Variants in STAG2 observed in about 807,000 individuals in gnomAD.
The protein encoded by STAG2 is cohesin subunit SA-2.
In STAG2, 14 loss-of-function variants were observed where a neutral mutation model predicts 108.1. That is an observed-to-expected ratio of 0.13 (90% CI 0.09 to 0.20). STAG2 has a LOEUF of 0.20. Ranked by LOEUF, STAG2 falls within the 10% of genes least tolerant of loss-of-function variation. The probability of loss-of-function intolerance (pLI) is 1.00; values close to 1 mark genes in which losing one functional copy is unlikely to be tolerated. For synonymous variants in STAG2, 307 were observed against 302.7 expected (o/e 1.01, Z -0.15); for missense variants, 440 against 940.9 (o/e 0.47, Z 6.96).
chrX:123,961,590 A>G (rs1373209146), upstream of STAG2: 1 of 108,734 alleles, frequency 9.2e-6, no homozygotes, highest in African/African-American at 3.4e-5. Context: ...TCAGTTGTGT[A>G]TATTTGGGCC....
At chrX:124,084,678 T>G (rs949899219) in intron 29 of STAG2, among the ~76,000 whole-genome samples, 1 of 112,340 alleles carries the variant, frequency 8.9e-6, no homozygotes, top group African/African-American at 3.2e-5. Flanking sequence ...ATAAAACTGA[T>G]ACAACTGTGC....
chrX:124,040,123 A>C (rs1341066426), intron 6 of STAG2, among the ~76,000 whole-genome samples: 1 of 111,912 alleles, frequency 8.9e-6, no homozygotes, highest in Non-Finnish European at 1.9e-5. Context: ...TTCTTTTATA[A>C]ATGACTTAGA....
At chrX:123,983,251 A>G (rs2054976475) in intron 1 of STAG2, among the ~76,000 whole-genome samples, 1 of 108,915 alleles carries the variant, frequency 9.2e-6, no homozygotes, top group Admixed American at 9.9e-5. Context: ...TTTAGTATTT[A>G]GATGTATCTA....
At chrX:124,033,122 A>G (rs1490598521) in intron 5 of STAG2, among the ~76,000 whole-genome samples, 1 of 112,288 alleles carries the variant, frequency 8.9e-6, no homozygotes, top group Non-Finnish European at 1.9e-5. Flanking sequence ...CTTGTATATC[A>G]TGATTAGAGT....
chrX:123,960,750 A>T (rs1440233828), upstream of STAG2: 1 of 108,629 alleles, frequency 9.2e-6, no homozygotes, highest in Non-Finnish European at 1.9e-5. Flanking sequence ...AAAGAAGAGG[A>T]AGGGGAAAAA....
chrX:123,992,778 G>A (rs1429757272), intron 1 of STAG2, among the ~76,000 whole-genome samples: 1 of 111,124 alleles, frequency 9.0e-6, no homozygotes, highest in African/African-American at 3.3e-5. Context: ...GAGCTCAAGA[G>A]ATCTGCCCGC....
intron 1 of STAG2, among the ~76,000 whole-genome samples, chrX:123,994,150 G>A (rs1387765861): frequency 1.8e-5 from 2 of 111,698 alleles, no homozygotes; most frequent in Admixed American, 1.9e-4. Flanking sequence ...GGTAGATAAG[G>A]TCAAAGGGGA....
At chrX:124,030,423 G>A (rs1226532516) in intron 4 of STAG2, among the ~76,000 whole-genome samples, 1 of 111,972 alleles carries the variant, frequency 8.9e-6, no homozygotes, top group Non-Finnish European at 1.9e-5. Context: ...TCAGTATTTT[G>A]TGTCATTGTT....
At chrX:124,042,920 T>TAGGAG in intron 7 of STAG2, among the ~76,000 whole-genome samples, 1 of 105,609 alleles carries the variant, frequency 9.5e-6, no homozygotes, top group Middle Eastern at 5.0e-3. Flanking sequence ...GAGGCTGAGA[T>TAGGAG]AGGAGAATTG....
intron 26 of STAG2, 68 bp downstream of exon 26, chrX:124,076,539 T>C: frequency 1.0e-6 from 1 of 998,364 alleles, no homozygotes; most frequent in Non-Finnish European, 1.3e-6. Context: ...ATGGCTGCCA[T>C]TGAATTCTTT....
chrX:124,001,839 T>C lies in STAG2; in HGVS notation c.-162-19528T>C, dbSNP rs111818731. ...GATGCATTTCTCAGAACTTACCCCA[T>C]TGTTAAGCAGCACATGACTATATAT... is the stretch of plus-strand genomic sequence containing the variant. On this transcript the variant is annotated intron_variant, in intron 1 of 34. Coordinates refer to ENST00000371145, the MANE Select transcript of STAG2 (RefSeq NM_001042750.2). 6.6e-3 allele frequency among the ~76,000 whole-genome samples: 737 copies of C among 111,686 alleles called. 5 individuals carry two copies. The highest frequency in any genetic ancestry group is 0.023 in the African/African-American group (694 of 30,720).
rs948442372 is a variant in STAG2 at position 124,102,627 on chromosome X, T to A, written c.*2030T>A. ...ATAGAGAATACCATCAGTTTATATT[T>A]TTAATAAATCATATGTATTTACAAT... On this transcript the variant is annotated 3_prime_UTR_variant, in exon 35 of 35. Transcript: ENST00000371145. The A allele has an allele frequency of 7.9e-5, 11 of 139,503 alleles. No homozygotes were observed. The highest frequency in any genetic ancestry group is 2.8e-4 in the African/African-American group (9 of 32,068). 11.5% of individuals were successfully genotyped at this position (139,503 alleles called of 1,213,427 possible).
At chrX:123,960,602 CAAAAAAAAAAAAAAAAAAAA>C (rs1208693829), upstream of STAG2, 9 of 7,011 alleles carry the variant, frequency 1.3e-3, no homozygotes, top group African/African-American at 1.6e-3. Flanking sequence ...GAAGCGCCAC[CAAAAAAAAAAAAAAAAAAAA>C]AAAAAAAAAA....
chrX:123,961,250 ATTTTC>A (rs1339996550), upstream of STAG2: 1 of 103,054 alleles, frequency 9.7e-6, no homozygotes, highest in Non-Finnish European at 2.0e-5. Context: ...CTCGCTGAAG[ATTTTC>A]TCTTCCTTCC....
upstream of STAG2, chrX:123,961,097 C>T (rs948506947): frequency 9.2e-6 from 1 of 108,516 alleles, no homozygotes; most frequent in Non-Finnish European, 1.9e-5. Flanking sequence ...CTTTCTCGCC[C>T]CCGCGGCGCC....
chrX:124,031,173 T>C (rs905954926), intron 5 of STAG2, 48 bp downstream of exon 5: 2 of 1,146,238 alleles, frequency 1.7e-6, no homozygotes, highest in Non-Finnish European at 2.3e-6. Context: ...TTTTAAACTT[T>C]AATGAGTTAT....
At chrX:124,090,808 A>T in intron 31 of STAG2, 44 bp downstream of exon 31, 1 of 1,199,445 alleles carries the variant, frequency 8.3e-7, no homozygotes, top group Non-Finnish European at 1.1e-6. Flanking sequence ...TTTATTAATT[A>T]CATAGAAAAA....
intron 6 of STAG2, among the ~76,000 whole-genome samples, chrX:124,040,680 T>C (rs2057682239): frequency 9.1e-6 from 1 of 109,465 alleles, no homozygotes; most frequent in Non-Finnish European, 1.9e-5. Flanking sequence ...ATGTAAATGT[T>C]AATTTCACAG....
chrX:124,018,260 T>G (rs1430493215), intron 1 of STAG2, among the ~76,000 whole-genome samples: 1 of 112,540 alleles, frequency 8.9e-6, no homozygotes, highest in Non-Finnish European at 1.9e-5. Context: ...TTGGAGCATA[T>G]TTTTTAAAAA....
Sources: gnomAD v4.1 joint callset for allele counts (sites outside exome capture counted in the v4.1 genomes callset) on GRCh38, gnomAD v4.1.1 for gene constraint, MANE v1.5 for transcripts, NCBI Gene and HGNC (gene_info 2026-07-23, HGNC 2026-07-21) for gene names.